The following SPTLC2 variants were observed in gnomAD, a reference collection of about 807,000 sequenced individuals.
The protein encoded by SPTLC2 is serine palmitoyltransferase long chain base subunit 2, also known as serine palmitoyltransferase 2.
SPTLC2 carries 21 observed loss-of-function variants against 62.0 expected under a neutral mutation model. The observed-to-expected ratio is 0.34, with a 90% confidence interval of 0.24 to 0.49. The LOEUF (loss-of-function observed/expected upper bound fraction) is 0.49. Among genes scored for constraint, SPTLC2 ranks in the 20% least tolerant of loss-of-function variants. The pLI, the probability that SPTLC2 is intolerant of heterozygous loss-of-function variation, is 0.99. For missense variants in SPTLC2, 511 were observed against 713.0 expected, an observed-to-expected ratio of 0.72 and a Z score of 3.23; for synonymous variants, 261 against 261.8, an observed-to-expected ratio of 1.00 and a Z score of 0.03.
chr14:77,599,138 T>C (rs751114941), intron 1 of SPTLC2, among the ~76,000 whole-genome samples: 1 of 152,220 alleles, frequency 6.6e-6, no homozygotes, highest in Admixed American at 6.5e-5. Context: ...TTTGATCTCA[T>C]AGATGAAAAC....
chr14:77,585,927 C>T (rs367805583), intron 2 of SPTLC2, among the ~76,000 whole-genome samples: 190 of 152,186 alleles, frequency 1.2e-3, no homozygotes, highest in Middle Eastern at 3.4e-3. Flanking sequence ...TAGCCCTAAA[C>T]GTAAAATATA....
intron 1 of SPTLC2, among the ~76,000 whole-genome samples, chr14:77,611,325 T>C (rs540386577): frequency 7.3e-5 from 11 of 150,660 alleles, no homozygotes; most frequent in African/African-American, 2.7e-4. Flanking sequence ...TAGCCCACTG[T>C]AGTGGTGCAC....
chr14:77,573,750 C>T (rs1282334803), intron 4 of SPTLC2, among the ~76,000 whole-genome samples: 2 of 152,102 alleles, frequency 1.3e-5, no homozygotes. Context: ...GCCTCAGCCT[C>T]CCGAGTGGCT....
chr14:77,508,026 AT>A lies in SPTLC2; in HGVS notation c.*4257del, dbSNP rs921745243. 50 of 151,948 alleles carry A rather than the reference AT, an allele frequency of 3.3e-4. No homozygotes were observed. The highest frequency in any genetic ancestry group is 7.7e-4 in the African/African-American group (32 of 41,418). 9.4% of individuals were successfully genotyped at this position (151,948 alleles called of 1,614,324 possible). ...CTGCATCCGCACCCAGCTCCTAACA[AT>A]TTTTTTTCCCCCTCTTATTGAGCCA... On this transcript the variant is annotated 3_prime_UTR_variant, in exon 12 of 12. Transcript: ENST00000216484.
chr14:77,608,105 G>C (rs1042903039), intron 1 of SPTLC2, among the ~76,000 whole-genome samples: 2 of 152,184 alleles, frequency 1.3e-5, no homozygotes, highest in African/African-American at 4.8e-5. Context: ...TGCCCTGTAG[G>C]GAGAGCTTAG....
chr14:77,611,564 G>A (rs1365326574), intron 1 of SPTLC2, among the ~76,000 whole-genome samples: 2 of 151,968 alleles, frequency 1.3e-5, no homozygotes, highest in African/African-American at 2.4e-5. Context: ...GGTGGCTCAC[G>A]CCTGTAATCC....
chr14:77,559,475 T>C (rs1037473447), intron 6 of SPTLC2, among the ~76,000 whole-genome samples: 2 of 152,118 alleles, frequency 1.3e-5, no homozygotes, highest in African/African-American at 4.8e-5. Flanking sequence ...AGAATAACAT[T>C]ATGATCTGAG....
At chr14:77,534,178 TCACACACACACACACACA>T (rs199819444) in intron 9 of SPTLC2, among the ~76,000 whole-genome samples, 1 of 114,902 alleles carries the variant, frequency 8.7e-6, no homozygotes, top group Non-Finnish European at 1.9e-5. Flanking sequence ...TCTCTCTCTC[TCACACACACACACACACA>T]CACACACACA....
At chr14:77,551,676 G>A (rs902048155) in intron 9 of SPTLC2, among the ~76,000 whole-genome samples, 7 of 152,058 alleles carry the variant, frequency 4.6e-5, no homozygotes, top group East Asian at 1.9e-4. Context: ...ATTATCTACC[G>A]TATATGAAAG....
intron 2 of SPTLC2, among the ~76,000 whole-genome samples, chr14:77,582,470 T>C (rs376273797): frequency 6.6e-6 from 1 of 152,188 alleles, no homozygotes; most frequent in African/African-American, 2.4e-5. Flanking sequence ...AAAAGCAATA[T>C]TTTTTGTTTT....
chr14:77,534,052 G>A (rs746114327), intron 9 of SPTLC2, among the ~76,000 whole-genome samples: 11 of 152,014 alleles, frequency 7.2e-5, no homozygotes, highest in Admixed American at 2.6e-4. Context: ...CAACTACTTG[G>A]GAGGCTGAGG....
chr14:77,565,824 A>G (rs2079641949), intron 5 of SPTLC2, among the ~76,000 whole-genome samples: 2 of 152,202 alleles, frequency 1.3e-5, no homozygotes, highest in Non-Finnish European at 2.9e-5. Flanking sequence ...AGCTGTAAGA[A>G]ACAGTTCCAC....
At chr14:77,540,205 C>CAA (rs34847653) in intron 9 of SPTLC2, among the ~76,000 whole-genome samples, 66 of 87,456 alleles carry the variant, frequency 7.5e-4, no homozygotes, top group East Asian at 2.1e-3. Context: ...ACTCTTGTCT[C>CAA]AAAAAAAAAA....
Position 77,570,504 on chromosome 14 carries a change from G to C in SPTLC2, c.636C>G (p.Asn212Lys). ...GVCSTRQEIG[N>K]LDKHEELEEL... Reference sequence around the variant, plus strand: ...CCTCTAGTTCTTCATGCTTGTCCAGGTTTCCTGTGTGAAGAAGTTAATAAA... The same window carrying C: ...CCTCTAGTTCTTCATGCTTGTCCAGCTTTCCTGTGTGAAGAAGTTAATAAA... Residue 212 changes from asparagine (N) to lysine (K), a missense_variant, in exon 5 of 12, where the codon AAC becomes AAG. Physicochemically the swap from Asn to Lys is moderately conservative, Grantham distance 94 (BLOSUM62 0). Transcript: ENST00000216484. 6.2e-7 allele frequency: 1 copy of C among 1,613,590 alleles called. No individual in the cohort carries two copies. The highest frequency in any genetic ancestry group is 8.5e-7 in the Non-Finnish European group (1 of 1,179,900).
chr14:77,609,077 C>T (rs745678522), intron 1 of SPTLC2, among the ~76,000 whole-genome samples: 8 of 151,860 alleles, frequency 5.3e-5, no homozygotes, highest in Non-Finnish European at 1.0e-4. Context: ...TGGGAAAGTT[C>T]ATGGTGGGCC....
intron 9 of SPTLC2, among the ~76,000 whole-genome samples, chr14:77,524,200 T>C (rs2079398150): frequency 6.6e-6 from 1 of 152,154 alleles, no homozygotes. Flanking sequence ...TTCGTTTGTA[T>C]GAAACTCTAA....
chr14:77,513,016 CTTTTTTT>C lies in SPTLC2; in HGVS notation c.1570-620_1570-614del, dbSNP rs1190713237. Among the ~76,000 whole-genome samples, 105 of 62,828 alleles carry C rather than the reference CTTTTTTT, an allele frequency of 1.7e-3. 4 individuals are homozygous for C. The South Asian group carries it at 0.071, about 43-fold the overall frequency. The allele number at this position is 62,828 out of a possible 152,430, so 41.2% of individuals were successfully genotyped here. A position where few individuals can be genotyped will look rare whatever the true frequency, so the allele number is the denominator to read the frequency against. On this transcript the variant is annotated intron_variant, in intron 11 of 11. Transcript: ENST00000216484. ...AGGCGTAAGCCAACGAACCCAGCAA[CTTTTTTT>C]TTTTTTTTTTTTTTTTTTTTGAGAC...
At chr14:77,568,651 A>G (rs2079659747) in intron 5 of SPTLC2, among the ~76,000 whole-genome samples, 1 of 152,230 alleles carries the variant, frequency 6.6e-6, no homozygotes, top group East Asian at 1.9e-4. Flanking sequence ...TACTAAAAAT[A>G]CAAAATATTA....
chr14:77,526,296 G>A (rs193025109), intron 9 of SPTLC2, among the ~76,000 whole-genome samples: 222 of 151,844 alleles, frequency 1.5e-3, no homozygotes, highest in Middle Eastern at 0.01. Context: ...CAGAGTTTCA[G>A]CAAGTATCTG....
Sources: gnomAD v4.1 joint callset for allele counts (sites outside exome capture counted in the v4.1 genomes callset) on GRCh38, gnomAD v4.1.1 for gene constraint, MANE v1.5 for transcripts, NCBI Gene and HGNC (gene_info 2026-07-23, HGNC 2026-07-21) for gene names.